SUMF1: variants seen among roughly 807,000 people sequenced by gnomAD.
SUMF1 encodes sulfatase modifying factor 1.
A neutral mutation model predicts 47.6 loss-of-function variants in SUMF1; 48 were observed. The ratio of observed to expected loss-of-function variants is 1.01; its 90% CI spans 0.80 to 1.28. The LOEUF (loss-of-function observed/expected upper bound fraction) is 1.28. SUMF1 is among the 50% of genes most tolerant of loss of function. SUMF1 has a pLI of 0.00. For missense variants in SUMF1, 571 were observed against 485.4 expected (o/e 1.18, Z -1.66); for synonymous variants, 230 against 192.1 (o/e 1.20, Z -1.63).
intron 8 of SUMF1, among the ~76,000 whole-genome samples, chr3:4,202,956 A>AT (rs928754948): frequency 6.6e-5 from 10 of 151,082 alleles, no homozygotes; most frequent in South Asian, 2.1e-4. Flanking sequence ...TATTATTTCC[A>AT]TTTTTTTTAA....
At chr3:4,340,028 A>T (rs308720) in intron 8 of SUMF1, among the ~76,000 whole-genome samples, 117,850 of 151,758 alleles carry the variant, frequency 0.78, 46,326 homozygotes, top group African/African-American at 0.89. Context: ...TAGTGAGCCA[A>T]GATCGCACCA....
chr3:4,155,914 C>A (rs1694441392), intron 8 of SUMF1, among the ~76,000 whole-genome samples: 1 of 151,180 alleles, frequency 6.6e-6, no homozygotes, highest in African/African-American at 2.5e-5. Flanking sequence ...AATCAAACAC[C>A]AAGCTAATCA....
At chr3:4,357,344 G>C (rs1181384440), downstream of SUMF1, among the ~76,000 whole-genome samples, 1 of 127,602 alleles carries the variant, frequency 7.8e-6, no homozygotes, top group Non-Finnish European at 1.6e-5. Flanking sequence ...CCTGAATATG[G>C]ATTTTACCAC....
At chr3:4,122,487 G>C (rs1384554971) in intron 8 of SUMF1, among the ~76,000 whole-genome samples, 1 of 152,048 alleles carries the variant, frequency 6.6e-6, no homozygotes, top group Non-Finnish European at 1.5e-5. Flanking sequence ...AGAGGCAGTG[G>C]TTTTACAACA....
intron 8 of SUMF1, among the ~76,000 whole-genome samples, chr3:4,092,765 G>A (rs1306795274): frequency 1.3e-5 from 2 of 152,144 alleles, no homozygotes; most frequent in South Asian, 2.1e-4. Context: ...AGTCTAGAGA[G>A]AGTCAAAGAA....
At chr3:4,408,037 T>A (rs936774923) in intron 7 of SUMF1, among the ~76,000 whole-genome samples, 13 of 152,274 alleles carry the variant, frequency 8.5e-5, no homozygotes, top group Middle Eastern at 3.4e-3. Context: ...CAAAGGTAAA[T>A]CCTTTCCAGA....
intron 8 of SUMF1, among the ~76,000 whole-genome samples, chr3:4,368,382 G>A (rs1700052168): frequency 6.6e-6 from 1 of 152,234 alleles, no homozygotes; most frequent in Non-Finnish European, 1.5e-5. Context: ...CTTTTGCACT[G>A]TTGGTGGGAC....
intron 8 of SUMF1, among the ~76,000 whole-genome samples, chr3:4,140,138 T>A (rs560021517): frequency 1.3e-5 from 2 of 152,216 alleles, no homozygotes; most frequent in East Asian, 3.9e-4. Context: ...GAATTTATCC[T>A]AATTTTCATG....
At chr3:4,177,734 A>C (rs188889299) in intron 8 of SUMF1, among the ~76,000 whole-genome samples, 1 of 152,286 alleles carries the variant, frequency 6.6e-6, no homozygotes, top group East Asian at 1.9e-4. Context: ...CCATTCAAAA[A>C]AATCAGTGAA....
intron 8 of SUMF1, among the ~76,000 whole-genome samples, chr3:4,138,241 C>A (rs1484344532): frequency 3.3e-5 from 5 of 152,114 alleles, no homozygotes; most frequent in African/African-American, 7.2e-5. Context: ...ACAGTTTCAA[C>A]ATAAATCCTA....
chr3:4,326,128 T>C (rs1313429053), intron 8 of SUMF1, among the ~76,000 whole-genome samples: 2 of 152,214 alleles, frequency 1.3e-5, no homozygotes, highest in African/African-American at 4.8e-5. Flanking sequence ...AGCTATCTTT[T>C]GAAACATAAC....
intron 8 of SUMF1, among the ~76,000 whole-genome samples, chr3:4,280,847 G>A (rs1351296571): frequency 1.5e-5 from 1 of 68,332 alleles, no homozygotes; most frequent in Admixed American, 1.3e-4. Context: ...GTGTGTGTGT[G>A]TGTGTGTGTG....
At chr3:4,196,129 C>A (rs1420719346) in intron 8 of SUMF1, among the ~76,000 whole-genome samples, 1 of 152,086 alleles carries the variant, frequency 6.6e-6, no homozygotes, top group Non-Finnish European at 1.5e-5. Flanking sequence ...TAACTTATTT[C>A]TTCTCACATA....
chr3:4,168,142 G>T (rs1694753515), intron 8 of SUMF1, among the ~76,000 whole-genome samples: 1 of 152,148 alleles, frequency 6.6e-6, no homozygotes, highest in South Asian at 2.1e-4. Flanking sequence ...ATCAGAACTA[G>T]ATATTTGTTA....
intron 1 of SUMF1, among the ~76,000 whole-genome samples, chr3:4,463,300 G>T (rs2079861271): frequency 2.6e-5 from 4 of 152,154 alleles, no homozygotes; most frequent in Non-Finnish European, 5.9e-5. Flanking sequence ...GACAATCCTG[G>T]CCAACGTGGT....
At chr3:4,230,153 C>T (rs73806958) in intron 8 of SUMF1, among the ~76,000 whole-genome samples, 4,128 of 152,050 alleles carry the variant, frequency 0.027, 178 homozygotes, top group African/African-American at 0.093. Context: ...ACTTCCAAAA[C>T]CAAATGTGTC....
At chr3:4,212,087 C>G (rs542088911) in intron 8 of SUMF1, among the ~76,000 whole-genome samples, 5 of 152,278 alleles carry the variant, frequency 3.3e-5, no homozygotes, top group South Asian at 2.1e-4. Context: ...TGCTAAGGGT[C>G]AGATTGTCTC....
At chr3:4,428,412 G>A (rs1242309382) in intron 3 of SUMF1, among the ~76,000 whole-genome samples, 1 of 151,964 alleles carries the variant, frequency 6.6e-6, no homozygotes, top group Non-Finnish European at 1.5e-5. Flanking sequence ...GGAGTGCAGT[G>A]GCACTATCAT....
chr3:4,393,794 C>T (rs1700953936), intron 7 of SUMF1, among the ~76,000 whole-genome samples: 1 of 152,120 alleles, frequency 6.6e-6, no homozygotes, highest in Admixed American at 6.5e-5. Context: ...CAATTTATCA[C>T]CTCCCTTTGG....
Sources: allele counts gnomAD v4.1 joint callset (sites outside exome capture counted in the v4.1 genomes callset), GRCh38; gene constraint gnomAD v4.1.1; transcripts MANE v1.5; gene names NCBI Gene and HGNC (gene_info 2026-07-23, HGNC 2026-07-21).